PLXNA4: variants seen among roughly 807,000 people sequenced by gnomAD.
PLXNA4 encodes plexin A4, also known as plexin-A4.
In PLXNA4, 44 loss-of-function variants were observed where a neutral mutation model predicts 191.8. The observed-to-expected ratio is 0.23, with a 90% CI of 0.18 to 0.29. PLXNA4 has a LOEUF of 0.29. Among genes scored for constraint, PLXNA4 ranks in the 10% least tolerant of loss-of-function variants. The pLI is 1.00. For missense variants in PLXNA4, 1,800 were observed against 2,488.8 expected, an observed-to-expected ratio of 0.72 and a Z score of 5.89; for synonymous variants, 1,082 against 1,009.5, an observed-to-expected ratio of 1.07 and a Z score of -1.36.
intron 2 of PLXNA4, among the ~76,000 whole-genome samples, chr7:132,603,639 G>C (rs1802862947): frequency 6.6e-6 from 1 of 152,198 alleles, no homozygotes; most frequent in Non-Finnish European, 1.5e-5. Flanking sequence ...TCTGCTATGG[G>C]AGGGGGCCTG....
intron 22 of PLXNA4, among the ~76,000 whole-genome samples, chr7:132,165,718 G>GAAA (rs3085196): frequency 0.43 from 63,532 of 149,226 alleles, 14,919 homozygotes; most frequent in East Asian, 0.55. Context: ...TCTTTTGGGT[G>GAAA]AAAAAAAAAA....
intron 4 of PLXNA4, among the ~76,000 whole-genome samples, chr7:132,291,837 T>C (rs1272211906): frequency 1.3e-5 from 2 of 152,180 alleles, no homozygotes; most frequent in African/African-American, 4.8e-5. Flanking sequence ...ACTAGTCACA[T>C]AGGCTGGAGT....
intron 1 of PLXNA4, among the ~76,000 whole-genome samples, chr7:132,543,470 C>T (rs1033571400): frequency 4.6e-5 from 7 of 152,250 alleles, no homozygotes; most frequent in African/African-American, 1.4e-4. Flanking sequence ...TACCACCTTA[C>T]TAGCTTTCAT....
intron 20 of PLXNA4, among the ~76,000 whole-genome samples, chr7:132,178,167 C>T (rs1175250890): frequency 6.6e-6 from 1 of 152,186 alleles, no homozygotes; most frequent in African/African-American, 2.4e-5. Flanking sequence ...AGCCCTACAG[C>T]CTTACCTTCC....
At chr7:132,218,481 G>T (rs1798040221) in intron 9 of PLXNA4, among the ~76,000 whole-genome samples, 1 of 152,162 alleles carries the variant, frequency 6.6e-6, no homozygotes, top group Non-Finnish European at 1.5e-5. Flanking sequence ...TTCAGCAGCA[G>T]CTCACTTTGC....
chr7:132,136,345 G>GCC (rs1795112262), intron 30 of PLXNA4, among the ~76,000 whole-genome samples: 2 of 152,308 alleles, frequency 1.3e-5, no homozygotes, highest in South Asian at 4.1e-4. Flanking sequence ...GGGAACCTGG[G>GCC]CCCCTGTGCT....
In PLXNA4 at chr7:132,192,702, A is replaced by G. The variant is rs148249792; in HGVS notation, c.2856+1360T>C. 3.1e-3 allele frequency among the ~76,000 whole-genome samples: 473 copies of G among 152,322 alleles called. 1 individual carries two copies. Among genetic ancestry groups the G allele is most frequent in the Middle Eastern group, 0.01 (3 of 294 alleles). On this transcript the variant is annotated intron_variant, in intron 14 of 31. Coordinates refer to ENST00000321063, the MANE Select transcript of PLXNA4 (RefSeq NM_020911.2). ...AGCAGCTCAGAATCATGAGGAAATT[A>G]TACCATTACAGCTGTCATTAATCTG...
rs1797959065 is a variant in PLXNA4, at chr7:132,495,115, CT to C, written c.1189-5642del. ...GCAGGTGATGAGGCGGGGTGGGCCC[CT>C]GATCCCCAAATCCTCCCCTGACCCC... On this transcript the variant is annotated intron_variant, in intron 2 of 31. Transcript: ENST00000321063. Among the ~76,000 whole-genome samples, 4 of 152,354 alleles carry C rather than the reference CT, an allele frequency of 2.6e-5. No individual in the cohort carries two copies. The South Asian group carries it at 8.3e-4, about 32-fold the overall frequency.
At chr7:132,185,251 G>T in intron 16 of PLXNA4, 48 bp downstream of exon 16, 1 of 1,561,070 alleles carries the variant, frequency 6.4e-7, no homozygotes, top group Non-Finnish European at 8.7e-7. Flanking sequence ...GTCAGGGAAG[G>T]GAAACAGAGG....
chr7:132,511,975 A>G (rs988225276), intron 1 of PLXNA4, among the ~76,000 whole-genome samples: 2 of 152,184 alleles, frequency 1.3e-5, no homozygotes, highest in African/African-American at 4.8e-5. Flanking sequence ...TGTCCATCCC[A>G]TGCTCTTTCC....
At chr7:132,411,093 A>G (rs1205676086) in intron 3 of PLXNA4, among the ~76,000 whole-genome samples, 1 of 152,244 alleles carries the variant, frequency 6.6e-6, no homozygotes, top group East Asian at 1.9e-4. Flanking sequence ...AACGAAAAGA[A>G]TGTGCTTGAT....
chr7:132,398,991 C>G (rs1244224401), intron 3 of PLXNA4, among the ~76,000 whole-genome samples: 1 of 152,138 alleles, frequency 6.6e-6, no homozygotes, highest in Non-Finnish European at 1.5e-5. Flanking sequence ...GGCCCTGGCA[C>G]CAGGTTTTTC....
intron 21 of PLXNA4, among the ~76,000 whole-genome samples, chr7:132,174,212 G>A (rs1489197548): frequency 6.6e-6 from 1 of 152,158 alleles, no homozygotes; most frequent in African/African-American, 2.4e-5. Flanking sequence ...AGTATAATAT[G>A]AATAGACACC....
chr7:132,181,695 TC>T (rs1340609927), intron 17 of PLXNA4, 75 bp from the exon 18 acceptor site: 57 of 1,564,770 alleles, frequency 3.6e-5, no homozygotes, highest in Admixed American at 5.5e-5. Flanking sequence ...ATAGTGGGCC[TC>T]CCTGGATGTC....
chr7:132,411,786 C>T (rs1399513002), intron 3 of PLXNA4, among the ~76,000 whole-genome samples: 1 of 152,216 alleles, frequency 6.6e-6, no homozygotes, highest in African/African-American at 2.4e-5. Flanking sequence ...CTTGCATTTC[C>T]ACACCACAGA....
intron 2 of PLXNA4, among the ~76,000 whole-genome samples, chr7:132,603,285 T>C (rs1347262622): frequency 1.9e-5 from 1 of 53,582 alleles, no homozygotes; most frequent in Non-Finnish European, 7.5e-5. Flanking sequence ...GAGATTAAGG[T>C]GGAATTAATT....
intron 3 of PLXNA4, among the ~76,000 whole-genome samples, chr7:132,423,971 T>C (rs1218736514): frequency 1.3e-5 from 2 of 152,110 alleles, no homozygotes; most frequent in Non-Finnish European, 2.9e-5. Flanking sequence ...TGGAGGTCAA[T>C]GCCTCTCAGG....
intron 1 of PLXNA4, among the ~76,000 whole-genome samples, chr7:132,572,665 T>G (rs1051437633): frequency 6.6e-6 from 1 of 152,186 alleles, no homozygotes; most frequent in African/African-American, 2.4e-5. Flanking sequence ...CCCTTCAGTC[T>G]CCCTGTGGGC....
chr7:132,168,363 C>T lies in PLXNA4; in HGVS notation c.4227G>A (p.Leu1409=), dbSNP rs1311561868. The T allele has an allele frequency of 1.2e-6, 2 of 1,607,538 alleles. No individual in the cohort carries two copies. The highest frequency in any genetic ancestry group is 2.7e-5 in the African/African-American group (2 of 74,824). ...CCAGGTTCTTGTCAATGAGGTCGGC[C>T]AGCAGCTGCTTCAGCACATCAGTGG... ...EYATDVLKQL[L]ADLIDKNLES... The change falls in exon 22 of 32, where the codon CTG becomes CTA. Residue 1409 remains leucine, a synonymous_variant. Transcript: ENST00000321063.
Sources: allele counts gnomAD v4.1 joint callset (sites outside exome capture counted in the v4.1 genomes callset), GRCh38; gene constraint gnomAD v4.1.1; transcripts MANE v1.5; gene names NCBI Gene and HGNC (gene_info 2026-07-23, HGNC 2026-07-21).